XRCC3: variants seen among roughly 807,000 people sequenced by gnomAD.
XRCC3 encodes the protein DNA repair protein XRCC3.
A neutral mutation model predicts 29.2 loss-of-function variants in XRCC3; 34 were observed. The ratio of observed to expected loss-of-function variants is 1.16; its 90% CI spans 0.88 to 1.55. The LOEUF (loss-of-function observed/expected upper bound fraction) is 1.55. XRCC3 is among the 40% of genes most tolerant of loss of function. XRCC3 has a pLI of 0.00. For synonymous variants in XRCC3, 223 were observed against 211.3 expected (o/e 1.06, Z -0.48); for missense variants, 463 against 467.6 (o/e 0.99, Z 0.09).
At chr14:103,700,669 A>AAAC in intron 7 of XRCC3, 1 of 1,607,680 alleles carries the variant, frequency 6.2e-7, no homozygotes, top group East Asian at 2.3e-5. Context: ...TCTCTGGCCG[A>AAAC]GCCTCTTTTT....
At position 103,699,564 on chromosome 14, in the gene XRCC3, C is replaced by G; in HGVS notation, c.574G>C (p.Glu192Gln). 1 of 1,613,310 alleles carries G rather than the reference C, an allele frequency of 6.2e-7. No homozygotes were observed. Residue 192 changes from glutamate (E) to glutamine (Q), a missense_variant, in exon 8 of 10, where the codon GAG (glutamate) becomes CAG (glutamine). By Grantham distance (29) the Glu-to-Gln change is conservative. Transcript: ENST00000555055. The part of the protein sequence containing the change: ...EHVADVDTLL[E>Q]CVNKKVPVLL... ...ACGGGGACCTTCTTATTCACACACT[C>G]CAACAAGGTGTCCTGTGGGGACAGC...
At chr14:103,707,289 GT>G in intron 5 of XRCC3, 74 bp from the exon 6 acceptor site, 1 of 1,516,798 alleles carries the variant, frequency 6.6e-7, no homozygotes, top group Non-Finnish European at 8.9e-7. Flanking sequence ...GGGAGGCATG[GT>G]CAGCCTGCCT....
intron 7 of XRCC3, chr14:103,700,601 G>A (rs1380256902): frequency 2.4e-5 from 35 of 1,457,552 alleles, no homozygotes; most frequent in Middle Eastern, 4.1e-4. Context: ...CTCTGAAGAC[G>A]CCTGAGGGCC....
In XRCC3 at chr14:103,708,601, C is replaced by CT; in HGVS notation, c.113_114insA (p.Thr39AspfsTer66). 1 of 1,614,176 alleles carries CT rather than the reference C, an allele frequency of 6.2e-7. No individual in the cohort carries two copies. The highest frequency in any genetic ancestry group is 8.5e-7 in the Non-Finnish European group (1 of 1,180,040). On this transcript the variant is annotated frameshift_variant, in exon 5 of 10. Coordinates refer to ENST00000555055, the MANE Select transcript of XRCC3 (RefSeq NM_005432.4). LOFTEE classifies it high-confidence loss of function. ...AGACCTCGGGGCTGGAGAGGTTGGT[C>CT]AGTCTCTTCAAGTCTGGTCCAGAAA...
At position 103,703,310 on chromosome 14, in the gene XRCC3, T is replaced by TGCA. The variant is rs1318251985; in HGVS notation, c.421_423dup (p.Cys141dup). ...CGCTTGTGCGGGAAGGCGTCTTCCG[T>TGCA]GCAGATGTAGACGGCTCCTGGGAAG... On this transcript the variant is annotated inframe_insertion, in exon 7 of 10. Coordinates refer to ENST00000555055, the MANE Select transcript of XRCC3 (RefSeq NM_005432.4). 1 of 1,553,444 alleles carries TGCA rather than the reference T, an allele frequency of 6.4e-7. No individual in the cohort carries two copies. Among genetic ancestry groups the TGCA allele is most frequent in the East Asian group, 2.4e-5 (1 of 41,482 alleles).
intron 7 of XRCC3, chr14:103,701,256 G>A (rs1224598674): frequency 2.0e-6 from 3 of 1,538,358 alleles, no homozygotes; most frequent in East Asian, 2.5e-5. Flanking sequence ...CCCGGAGCTG[G>A]CCCGGGACAG....
In XRCC3 at chr14:103,712,033, A is replaced by G. The variant is rs114799020; in HGVS notation, c.-260-466T>C. The G allele has an allele frequency of 8.3e-3, 2,832 of 339,590 alleles. 72 individuals carry two copies. The highest frequency in any genetic ancestry group is 0.056 in the African/African-American group (2,593 of 46,598). 21.0% of individuals were successfully genotyped at this position (339,590 alleles called of 1,614,324 possible). A position where few individuals can be genotyped will look rare whatever the true frequency, so the allele number is the denominator to read the frequency against. The stretch of plus-strand genomic sequence containing the variant: ...TGGAGAAGGTTTTCCCTTGGACCAC[A>G]CAGAATGCGGCACTGGCCTGGACAC... On this transcript the variant is annotated intron_variant, in intron 2 of 9. Transcript: ENST00000555055.
In XRCC3 at chr14:103,703,215, GA is replaced by G; in HGVS notation, c.518del (p.Leu173ProfsTer22). 2 of 1,569,512 alleles carry G rather than the reference GA, an allele frequency of 1.3e-6. No homozygotes were observed. The highest frequency in any genetic ancestry group is 8.6e-7 in the Non-Finnish European group (1 of 1,157,198). ...CGATGAAGATCTGGCTGCCAAATCG[GA>G]GCTTCTGAAGCAGCTCTCCTGGAAC... The part of the protein sequence containing the change: ...TDVPGELLQK[L>X]RFGSQIFIEH... On this transcript the variant is annotated frameshift_variant, in exon 7 of 10. Transcript: ENST00000555055. LOFTEE classifies it high-confidence loss of function.
In XRCC3 at chr14:103,706,919, C is replaced by T. The variant is rs998261634; in HGVS notation, c.406+84G>A. Reference sequence around the variant, plus strand: ...GTAGGAACAGCGCAAGAGGCGGCCACTGCCCCACCTCAACGGAAAGCTGTC... The same window carrying T: ...GTAGGAACAGCGCAAGAGGCGGCCATTGCCCCACCTCAACGGAAAGCTGTC... On this transcript the variant is annotated intron_variant, in intron 6 of 9. Coordinates refer to ENST00000555055, the MANE Select transcript of XRCC3 (RefSeq NM_005432.4). The T allele has an allele frequency of 1.4e-5, 20 of 1,439,098 alleles. No individual in the cohort carries two copies. The Admixed American group carries it at 2.6e-4, about 18-fold the overall frequency. The allele number at this position is 1,439,098 out of a possible 1,614,324, so 89.1% of individuals were successfully genotyped here. A position where few individuals can be genotyped will look rare whatever the true frequency, so the allele number is the denominator to read the frequency against.
chr14:103,700,196 G>T lies in XRCC3; in HGVS notation c.562-620C>A, dbSNP rs916273003. On this transcript the variant is annotated intron_variant, in intron 7 of 9. Transcript: ENST00000555055. ...GGGCTGTAGGTTGAGACACCCTCAA[G>T]GCCAGTGCCTCCCGTGCATCCAGGC... 3 of 197,002 alleles carry T rather than the reference G, an allele frequency of 1.5e-5. 1 individual carries two copies. The South Asian group carries it at 2.9e-4, about 19-fold the overall frequency. The allele number at this position is 197,002 out of a possible 1,614,324, so 12.2% of individuals were successfully genotyped here.
At chr14:103,708,364 G>A (rs2083512258) in intron 5 of XRCC3, 158 bp downstream of exon 5, 2 of 1,108,516 alleles carry the variant, frequency 1.8e-6, no homozygotes, top group East Asian at 2.6e-5. Context: ...CCCCATGGGT[G>A]TAGGACAAGC....
At chr14:103,701,259 C>A (rs909133) in intron 7 of XRCC3, 5 of 1,538,022 alleles carry the variant, frequency 3.3e-6, no homozygotes, top group Non-Finnish European at 4.4e-6. Flanking sequence ...GGAGCTGGCC[C>A]GGGACAGCCA....
Position 103,711,141 on chromosome 14 carries a change from A to T in XRCC3, c.-54T>A. The T allele has an allele frequency of 6.3e-7, 1 of 1,597,328 alleles. No homozygotes were observed. Among genetic ancestry groups the T allele is most frequent in the South Asian group, 1.1e-5 (1 of 90,738 alleles). On this transcript the variant is annotated 5_prime_UTR_variant, in exon 4 of 10. In the 5' UTR this introduces an upstream ATG that the reference lacks. Coordinates refer to ENST00000555055, the MANE Select transcript of XRCC3 (RefSeq NM_005432.4). Reference sequence around the variant, plus strand: ...ATAACTTCCCAGGAAAGACAGAACAATGGATGCAAATTCTGAGGCACTCGC... The same window carrying T: ...ATAACTTCCCAGGAAAGACAGAACATTGGATGCAAATTCTGAGGCACTCGC...
At position 103,699,299 on chromosome 14, in the gene XRCC3, G is replaced by T. The variant is rs1412191892; in HGVS notation, c.774+65C>A. 4.5e-6 allele frequency: 7 copies of T among 1,546,930 alleles called. No individual in the cohort carries two copies. The African/African-American group carries it at 8.2e-5, about 18-fold the overall frequency. On this transcript the variant is annotated intron_variant, in intron 8 of 9. Transcript: ENST00000555055. ...CTGCCACCCGCCCCACCTCCAGACC[G>T]GCTCTGCTTCCGCATCCTGGCTAAA...
intron 7 of XRCC3, chr14:103,701,081 C>CA: frequency 1.6e-6 from 2 of 1,266,276 alleles, no homozygotes; most frequent in Non-Finnish European, 2.2e-6. Context: ...CAACCAGCAA[C>CA]ACCCTCTTCT....
Position 103,702,881 on chromosome 14 carries a change from ATCC to A in XRCC3, c.561+289_561+291del, listed in dbSNP as rs75540731. The A allele has an allele frequency of 1.4e-4, 65 of 458,214 alleles. 1 individual carries two copies. The East Asian group carries it at 2.8e-3, about 20-fold the overall frequency. 28.4% of individuals were successfully genotyped at this position (458,214 alleles called of 1,614,324 possible). A position where few individuals can be genotyped will look rare whatever the true frequency, so the allele number is the denominator to read the frequency against. On this transcript the variant is annotated intron_variant, in intron 7 of 9. Transcript: ENST00000555055. Reference sequence around the variant, plus strand: ...GTCGCCCTCAGTAGCTGACTGGTCCATCCTCCACAGTCCCCAGAGGCCGTCTGA... The same window carrying A: ...GTCGCCCTCAGTAGCTGACTGGTCCATCCACAGTCCCCAGAGGCCGTCTGA...
rs1015202474 is a variant in XRCC3 at position 103,704,307 on chromosome 14, G to A, written c.407-980C>T. 2 of 152,398 alleles carry A rather than the reference G, an allele frequency of 1.3e-5. 1 individual carries two copies. Among genetic ancestry groups the A allele is most frequent in the African/African-American group, 4.8e-5 (2 of 41,568 alleles). The allele number at this position is 152,398 out of a possible 1,614,324, so 9.4% of individuals were successfully genotyped here. ...GGGGGTGGGGGCTGACTGCTCATGG[G>A]TAGGGTTTCCTTTTGGGGTGAGGGA... On this transcript the variant is annotated intron_variant, in intron 6 of 9. Transcript: ENST00000555055.
intron 8 of XRCC3, 24 bp downstream of exon 8, chr14:103,699,340 G>T (rs1203684256): frequency 1.3e-6 from 2 of 1,579,792 alleles, no homozygotes; most frequent in Non-Finnish European, 1.7e-6. Context: ...GAGCTCAGGG[G>T]TGCAACCCTG....
At chr14:103,701,602 C>T (rs868359347) in intron 7 of XRCC3, 36 of 164,906 alleles carry the variant, frequency 2.2e-4, no homozygotes, top group African/African-American at 4.1e-4. Context: ...CTGGCGGGCG[C>T]GGTGGCTCAC....
Sources: gnomAD v4.1 joint callset for allele counts on GRCh38, gnomAD v4.1.1 for gene constraint, MANE v1.5 for transcripts, NCBI Gene and HGNC (gene_info 2026-07-23, HGNC 2026-07-21) for gene names.